Variants in BBS9 observed in about 807,000 individuals in gnomAD.
BBS9 encodes Bardet-Biedl syndrome 9.
In BBS9, 89 loss-of-function variants were observed where a neutral mutation model predicts 117.7. The observed-to-expected ratio is 0.76, with a 90% CI of 0.64 to 0.90. The LOEUF (loss-of-function observed/expected upper bound fraction) is 0.90. Ranked by LOEUF, BBS9 falls within the 40% of genes least tolerant of loss-of-function variation. BBS9 has a pLI of 0.00. For missense variants in BBS9, 982 were observed against 1,042.2 expected, an observed-to-expected ratio of 0.94 and a Z score of 0.80; for synonymous variants, 379 against 370.9, an observed-to-expected ratio of 1.02 and a Z score of -0.25.
At chr7:33,411,149 A>C (rs113203684) in intron 19 of BBS9, among the ~76,000 whole-genome samples, 1 of 151,510 alleles carries the variant, frequency 6.6e-6, no homozygotes, top group Non-Finnish European at 1.5e-5. Flanking sequence ...ATAAGCTTGG[A>C]TATTTGTCTA....
intron 21 of BBS9, among the ~76,000 whole-genome samples, chr7:33,551,183 G>A (rs1310930262): frequency 6.6e-6 from 1 of 152,074 alleles, no homozygotes; most frequent in Non-Finnish European, 1.5e-5. Flanking sequence ...AAAATAAGAA[G>A]CAAATACATT....
chr7:33,492,698 G>A (rs1341697863), intron 19 of BBS9, among the ~76,000 whole-genome samples: 3 of 151,960 alleles, frequency 2.0e-5, no homozygotes, highest in African/African-American at 7.3e-5. Context: ...AGGAATCTGT[G>A]GGCCCTTCAC....
chr7:33,525,046 T>C (rs1221894250), intron 20 of BBS9, among the ~76,000 whole-genome samples: 1 of 151,874 alleles, frequency 6.6e-6, no homozygotes, highest in East Asian at 1.9e-4. Flanking sequence ...AGTTTCCATG[T>C]AGTTGAGCGG....
At chr7:33,568,529 G>A (rs1468468066) in intron 21 of BBS9, among the ~76,000 whole-genome samples, 1 of 152,162 alleles carries the variant, frequency 6.6e-6, no homozygotes, top group Non-Finnish European at 1.5e-5. Context: ...GTTGTAACTT[G>A]TTAGTAGTTC....
At chr7:33,631,557 G>A (rs539351005) in intron 21 of BBS9, among the ~76,000 whole-genome samples, 6 of 152,162 alleles carry the variant, frequency 3.9e-5, no homozygotes, top group South Asian at 4.1e-4. Flanking sequence ...GCATGATTTC[G>A]AGGCTTGGTT....
intron 21 of BBS9, among the ~76,000 whole-genome samples, chr7:33,534,774 G>A (rs991414762): frequency 6.6e-6 from 1 of 152,180 alleles, no homozygotes; most frequent in Non-Finnish European, 1.5e-5. Flanking sequence ...CATAGGGGCT[G>A]AGCAGTCAGT....
chr7:33,520,289 T>C (rs1392592569), intron 20 of BBS9, among the ~76,000 whole-genome samples: 1 of 152,108 alleles, frequency 6.6e-6, no homozygotes, highest in African/African-American at 2.4e-5. Context: ...TGGGATTACA[T>C]GCGTGAGCCA....
intron 19 of BBS9, among the ~76,000 whole-genome samples, chr7:33,482,346 A>G (rs992932510): frequency 2.0e-5 from 3 of 152,056 alleles, no homozygotes; most frequent in Non-Finnish European, 4.4e-5. Context: ...CCTGTATCCC[A>G]CTGTGATTGG....
chr7:33,479,647 G>A (rs188106678), intron 19 of BBS9, among the ~76,000 whole-genome samples: 3 of 152,290 alleles, frequency 2.0e-5, no homozygotes, highest in Middle Eastern at 3.4e-3. Flanking sequence ...GGGTTGAATG[G>A]TAGTTCAACT....
chr7:33,304,618 A>G (rs1388927915), intron 9 of BBS9, among the ~76,000 whole-genome samples: 2 of 152,212 alleles, frequency 1.3e-5, no homozygotes, highest in Non-Finnish European at 2.9e-5. Context: ...GCCTTTCTGC[A>G]GGTGTACCCA....
At chr7:33,473,316 A>G (rs1485246286) in intron 19 of BBS9, among the ~76,000 whole-genome samples, 1 of 120,882 alleles carries the variant, frequency 8.3e-6, no homozygotes, top group Non-Finnish European at 1.8e-5. Context: ...CCCCTCCCTC[A>G]CCCCACCCCC....
intron 9 of BBS9, among the ~76,000 whole-genome samples, chr7:33,316,742 T>C (rs1473854505): frequency 6.6e-6 from 1 of 152,170 alleles, no homozygotes; most frequent in Non-Finnish European, 1.5e-5. Flanking sequence ...TTTTTTTGGT[T>C]GTTATAGTAG....
intron 9 of BBS9, among the ~76,000 whole-genome samples, chr7:33,317,626 C>T (rs1418888437): frequency 6.6e-6 from 1 of 152,142 alleles, no homozygotes; most frequent in Non-Finnish European, 1.5e-5. Context: ...TCTTCCCATC[C>T]ATCTTGCCTG....
At chr7:33,427,237 T>A (rs1330664037) in intron 19 of BBS9, among the ~76,000 whole-genome samples, 5 of 152,216 alleles carry the variant, frequency 3.3e-5, no homozygotes, top group Admixed American at 1.3e-4. Flanking sequence ...CAGTCTTGAA[T>A]CTTTTGCAAG....
At chr7:33,348,662 A>G (rs986268412) in intron 12 of BBS9, among the ~76,000 whole-genome samples, 8 of 152,146 alleles carry the variant, frequency 5.3e-5, no homozygotes, top group Non-Finnish European at 1.2e-4. Flanking sequence ...AGCTGTACCA[A>G]TTTACATTTT....
Position 33,539,606 on chromosome 7 carries a change from A to C in BBS9, c.2521+5430A>C, listed in dbSNP as rs1851955160. 1.3e-5 allele frequency among the ~76,000 whole-genome samples: 2 copies of C among 152,364 alleles called. 1 individual carries two copies. The highest frequency in any genetic ancestry group is 6.8e-3 in the Middle Eastern group (2 of 294). On this transcript the variant is annotated intron_variant, in intron 21 of 22. Transcript: ENST00000242067. ...CACCTTTACAGAAAGGGTCCTTTTAAGAAAAAATATTCCGAGGCATGATCT... is the reference window on the plus strand; with the variant it reads ...CACCTTTACAGAAAGGGTCCTTTTACGAAAAAATATTCCGAGGCATGATCT...
At chr7:33,600,701 C>T (rs890207949) in intron 21 of BBS9, among the ~76,000 whole-genome samples, 1 of 152,144 alleles carries the variant, frequency 6.6e-6, no homozygotes, top group East Asian at 1.9e-4. Flanking sequence ...CAGTAGCTAC[C>T]CACAGCCTCA....
At chr7:33,267,593 G>C (rs986375772) in intron 7 of BBS9, among the ~76,000 whole-genome samples, 5 of 151,436 alleles carry the variant, frequency 3.3e-5, no homozygotes, top group African/African-American at 9.7e-5. Flanking sequence ...CTACCTTCAG[G>C]TGATATATTA....
Position 33,416,059 on chromosome 7 carries a change from C to T in BBS9, c.2115+27915C>T, listed in dbSNP as rs139791369. Among the ~76,000 whole-genome samples the T allele has an allele frequency of 2.2e-3, 328 of 152,164 alleles. 3 individuals carry two copies. Among genetic ancestry groups the T allele is most frequent in the Admixed American group, 0.016 (240 of 15,280 alleles). On this transcript the variant is annotated intron_variant, in intron 19 of 22. Transcript: ENST00000242067. Reference sequence around the variant, plus strand: ...GTGTTGCCCAGGCTGGTCTCAAATTCCTGGGCTCAAGCAATCTGCCTACCT... The same window carrying T: ...GTGTTGCCCAGGCTGGTCTCAAATTTCTGGGCTCAAGCAATCTGCCTACCT...
Sources: gnomAD v4.1 joint callset for allele counts (sites outside exome capture counted in the v4.1 genomes callset) on GRCh38, gnomAD v4.1.1 for gene constraint, MANE v1.5 for transcripts, NCBI Gene and HGNC (gene_info 2026-07-23, HGNC 2026-07-21) for gene names.